TOM1L1: variants seen among roughly 807,000 people sequenced by gnomAD.
The protein encoded by TOM1L1 is target of myb1 like 1 membrane trafficking protein.
A neutral mutation model predicts 63.4 loss-of-function variants in TOM1L1; 64 were observed. The ratio of observed to expected loss-of-function variants is 1.01; its 90% CI spans 0.83 to 1.24. The LOEUF (loss-of-function observed/expected upper bound fraction) is 1.24, where lower values mean the gene tolerates loss of function less well. Ranked by LOEUF, TOM1L1 falls within the 50% of genes most tolerant of loss-of-function variation. The probability of loss-of-function intolerance (pLI) is 0.00; values close to 1 mark genes in which losing one functional copy is unlikely to be tolerated. For missense variants in TOM1L1, 536 were observed against 567.0 expected (o/e 0.95, Z 0.55); for synonymous variants, 166 against 194.4 (o/e 0.85, Z 1.22).
At chr17:54,920,330 A>G (rs918432610) in intron 7 of TOM1L1, among the ~76,000 whole-genome samples, 2 of 152,200 alleles carry the variant, frequency 1.3e-5, no homozygotes, top group African/African-American at 2.4e-5. Flanking sequence ...GAATTGTAAA[A>G]CAGGCATTTT....
At chr17:54,942,699 C>G (rs1482838219) in intron 11 of TOM1L1, among the ~76,000 whole-genome samples, 1 of 152,008 alleles carries the variant, frequency 6.6e-6, no homozygotes, top group South Asian at 2.1e-4. Context: ...CTAAAATTGA[C>G]CTTTTTTGTT....
At chr17:54,903,912 G>A in intron 2 of TOM1L1, 120 bp downstream of exon 2, 1 of 808,734 alleles carries the variant, frequency 1.2e-6, no homozygotes, top group East Asian at 2.6e-5. Flanking sequence ...CATTCATTAG[G>A]CACCCTCTAT....
chr17:54,956,446 C>T (rs909373239), intron 14 of TOM1L1, among the ~76,000 whole-genome samples: 1 of 151,984 alleles, frequency 6.6e-6, no homozygotes, highest in African/African-American at 2.4e-5. Flanking sequence ...CTGGGGACTA[C>T]AAGCATGTGC....
chr17:54,936,856 T>C (rs1290493622), intron 9 of TOM1L1, 147 bp downstream of exon 9: 1 of 662,418 alleles, frequency 1.5e-6, no homozygotes, highest in Non-Finnish European at 2.5e-6. Context: ...TTACTTGCCT[T>C]AATAACTTAA....
At chr17:54,950,561 T>C (rs1360929788) in intron 14 of TOM1L1, among the ~76,000 whole-genome samples, 2 of 152,214 alleles carry the variant, frequency 1.3e-5, no homozygotes, top group African/African-American at 4.8e-5. Context: ...GTACAATTAC[T>C]TTTTACTTAA....
intron 15 of TOM1L1, 67 bp downstream of exon 15, chr17:54,960,694 CAT>C (rs959830703): frequency 1.6e-6 from 2 of 1,243,646 alleles, no homozygotes; most frequent in Admixed American, 3.5e-5. Flanking sequence ...TATCACTTTA[CAT>C]ATTTAGTATT....
At chr17:54,907,886 C>T (rs1362094014) in intron 3 of TOM1L1, among the ~76,000 whole-genome samples, 1 of 152,210 alleles carries the variant, frequency 6.6e-6, no homozygotes, top group Non-Finnish European at 1.5e-5. Flanking sequence ...TGTGCCCAGC[C>T]TACTTGATGT....
intron 7 of TOM1L1, among the ~76,000 whole-genome samples, chr17:54,925,746 A>C (rs2048757735): frequency 6.6e-6 from 1 of 152,144 alleles, no homozygotes; most frequent in African/African-American, 2.4e-5. Flanking sequence ...TCTACTAAAA[A>C]TACAAATATC....
At chr17:54,935,851 G>A (rs906328442) in intron 8 of TOM1L1, among the ~76,000 whole-genome samples, 4 of 152,048 alleles carry the variant, frequency 2.6e-5, no homozygotes, top group East Asian at 1.9e-4. Context: ...GGCCGGGCGC[G>A]GTGGCTCATG....
chr17:54,910,844 A>G (rs958648913), intron 3 of TOM1L1, among the ~76,000 whole-genome samples: 12 of 152,204 alleles, frequency 7.9e-5, no homozygotes, highest in Admixed American at 3.3e-4. Flanking sequence ...TAGCGTTTTA[A>G]GTATAACTTA....
intron 8 of TOM1L1, among the ~76,000 whole-genome samples, chr17:54,935,219 G>T (rs2048926707): frequency 6.6e-6 from 1 of 152,054 alleles, no homozygotes; most frequent in Non-Finnish European, 1.5e-5. Flanking sequence ...GATTTGGGTA[G>T]GTAGCGAAAA....
At chr17:54,926,011 A>G (rs918672180) in intron 7 of TOM1L1, among the ~76,000 whole-genome samples, 1 of 152,076 alleles carries the variant, frequency 6.6e-6, no homozygotes, top group Non-Finnish European at 1.5e-5. Context: ...TTTGGAACCT[A>G]TTCCTTGTCT....
At chr17:54,937,031 C>G (rs1270801773) in intron 9 of TOM1L1, 78 bp from the exon 10 acceptor site, 2 of 1,228,474 alleles carry the variant, frequency 1.6e-6, no homozygotes, top group Non-Finnish European at 2.4e-6. Flanking sequence ...GGATCCTCCC[C>G]TCTACAAAGG....
At chr17:54,914,388 G>A (rs2143779203) in intron 5 of TOM1L1, among the ~76,000 whole-genome samples, 1 of 151,008 alleles carries the variant, frequency 6.6e-6, no homozygotes, top group South Asian at 2.1e-4. Context: ...AAAAAAAAAG[G>A]GCATTTTATT....
intron 7 of TOM1L1, among the ~76,000 whole-genome samples, chr17:54,920,995 G>T (rs1430288293): frequency 6.6e-6 from 1 of 152,162 alleles, no homozygotes; most frequent in East Asian, 1.9e-4. Flanking sequence ...TGGGGCTGAG[G>T]TTTTTCTGAT....
intron 3 of TOM1L1, among the ~76,000 whole-genome samples, chr17:54,910,867 T>A (rs2048486359): frequency 6.6e-6 from 1 of 152,232 alleles, no homozygotes; most frequent in Admixed American, 6.5e-5. Flanking sequence ...CGCTATATGC[T>A]GCCGCTTTAT....
At chr17:54,919,257 T>C (rs1479652000) in intron 7 of TOM1L1, among the ~76,000 whole-genome samples, 2 of 152,194 alleles carry the variant, frequency 1.3e-5, no homozygotes, top group African/African-American at 4.8e-5. Flanking sequence ...AATTGAAAAA[T>C]TAAATATCAA....
Position 54,930,117 on chromosome 17 carries a change from C to T in TOM1L1, c.765C>T (p.Asp255=). The change falls in exon 8 of 16, where the codon GAC becomes GAT. Residue 255 remains aspartate (D), a synonymous_variant. Transcript: ENST00000575882. ...TGREMQERIM[D]LLVVVENEDV... is the part of the protein sequence containing the mutation. ...GGGAGATGCAGGAGAGGATCATGGACCTGCTTGTGGTGGTGGAGAACGAAG... is the reference window on the plus strand; with the variant it reads ...GGGAGATGCAGGAGAGGATCATGGATCTGCTTGTGGTGGTGGAGAACGAAG... The T allele has an allele frequency of 6.2e-7, 1 of 1,614,056 alleles. No homozygotes were observed.
chr17:54,904,838 C>T (rs1209047831), intron 2 of TOM1L1, among the ~76,000 whole-genome samples: 2 of 152,180 alleles, frequency 1.3e-5, no homozygotes, highest in East Asian at 1.9e-4. Flanking sequence ...AAACATCAAA[C>T]TTAATTATTG....
Sources: gnomAD v4.1 joint callset for allele counts (sites outside exome capture counted in the v4.1 genomes callset) on GRCh38, gnomAD v4.1.1 for gene constraint, MANE v1.5 for transcripts, NCBI Gene and HGNC (gene_info 2026-07-23, HGNC 2026-07-21) for gene names.